Variants in BRF2 observed in about 807,000 individuals in gnomAD.
The protein encoded by BRF2 is BRF2 general transcription factor IIIB subunit, also known as transcription factor IIIB 50 kDa subunit.
A neutral mutation model predicts 26.6 loss-of-function variants in BRF2; 17 were observed. That is an observed-to-expected ratio of 0.64 (90% CI 0.44 to 0.96). The LOEUF (loss-of-function observed/expected upper bound fraction) is 0.96, where lower values mean the gene tolerates loss of function less well. BRF2 is among the 40% of genes least tolerant of loss of function. The pLI, the probability that BRF2 is intolerant of heterozygous loss-of-function variation, is 0.00. For synonymous variants in BRF2, 219 were observed against 226.6 expected, an observed-to-expected ratio of 0.97 and a Z score of 0.30; for missense variants, 515 against 537.0, an observed-to-expected ratio of 0.96 and a Z score of 0.40.
intron 3 of BRF2, among the ~76,000 whole-genome samples, chr8:37,846,501 T>C (rs1051385556): frequency 2.0e-5 from 3 of 152,148 alleles, no homozygotes; most frequent in African/African-American, 7.2e-5. Context: ...ACGCCTGTAA[T>C]CCCAGAACTT....
At chr8:37,846,492 C>T (rs1403386195) in intron 3 of BRF2, among the ~76,000 whole-genome samples, 2 of 152,190 alleles carry the variant, frequency 1.3e-5, no homozygotes, top group African/African-American at 4.8e-5. Flanking sequence ...CGGTGGCTCA[C>T]GCCTGTAATC....
rs538165118 is a variant in BRF2 at position 37,845,170 on chromosome 8, C to A, written c.580G>T (p.Val194Leu). Residue 194 changes from valine to leucine, a missense_variant, in exon 4 of 4, where the codon GTG becomes TTG. Physicochemically the swap from Val to Leu is conservative, Grantham distance 32. Transcript: ENST00000220659. The part of the protein sequence containing the change: ...QASPSVPAKY[V>L]EDKEKMLSRT... ...GACAGCATCTTCTCTTTGTCTTCCA[C>A]GTATTTGGCTGGCACAGAAGGTGAA... The A allele has an allele frequency of 9.9e-6, 16 of 1,612,596 alleles. No homozygotes were observed. Among genetic ancestry groups the A allele is most frequent in the Non-Finnish European group, 1.4e-5 (16 of 1,179,284 alleles).
chr8:37,848,589 T>G lies in BRF2; in HGVS notation c.214+7A>C, dbSNP rs374505515. The G allele has an allele frequency of 1.7e-5, 27 of 1,613,750 alleles. No homozygotes were observed. Among genetic ancestry groups the G allele is most frequent in the Non-Finnish European group, 2.2e-5 (26 of 1,179,746 alleles). On this transcript the variant is annotated splice_region_variant and intron_variant, in intron 2 of 3. Transcript: ENST00000220659. ...AAGCCACTGTGTTGTAAAAGGTCAA[T>G]TCTCACCTCGTTGCTGGCTGCGACT...
chr8:37,844,835 C>G lies in BRF2; in HGVS notation c.915G>C (p.Gln305His), dbSNP rs763427880. The change falls in exon 4 of 4, where the codon CAG becomes CAC. Residue 305 changes from glutamine to histidine, a missense_variant. Gln to His is a conservative substitution (Grantham distance 24, BLOSUM62 0). Coordinates refer to ENST00000220659, the MANE Select transcript of BRF2 (RefSeq NM_018310.4). Reference sequence around the variant, plus strand: ...CCCGAAAGGCAGAGCGGACCAGTGACTGGCGGTGCTGGAGAAGGTCACCGA... The same window carrying G: ...CCCGAAAGGCAGAGCGGACCAGTGAGTGGCGGTGCTGGAGAAGGTCACCGA... The part of the protein sequence containing the change: ...KHIGDLLQHR[Q>H]SLVRSAFRDG... 2 of 1,614,202 alleles carry G rather than the reference C, an allele frequency of 1.2e-6. No individual in the cohort carries two copies. Among genetic ancestry groups the G allele is most frequent in the East Asian group, 4.5e-5 (2 of 44,876 alleles).
chr8:37,847,932 TTATTATTATTA>T (rs1805992645), intron 2 of BRF2, among the ~76,000 whole-genome samples: 5 of 147,152 alleles, frequency 3.4e-5, no homozygotes, highest in Admixed American at 6.7e-5. Context: ...TTTTCTTTTA[TTATTATTATTA>T]TTATTATTAT....
In BRF2 at chr8:37,847,260, T is replaced by A. The variant is rs188865856; in HGVS notation, c.215-85A>T. 1.6e-3 allele frequency: 1,929 copies of A among 1,213,108 alleles called. 2 individuals carry two copies. The highest frequency in any genetic ancestry group is 4.7e-3 in the Middle Eastern group (25 of 5,314). The allele number at this position is 1,213,108 out of a possible 1,614,324, so 75.1% of individuals were successfully genotyped here. A position where few individuals can be genotyped will look rare whatever the true frequency, so the allele number is the denominator to read the frequency against. ...AAAATTCTGCTAGGACTTACTTAGA[T>A]CTGCTAAACTTGCCTCAGATATCAG... On this transcript the variant is annotated intron_variant, in intron 2 of 3. Transcript: ENST00000220659.
chr8:37,844,686 G>A lies in BRF2; in HGVS notation c.1064C>T (p.Ala355Val). 6.2e-7 allele frequency: 1 copy of A among 1,614,108 alleles called. No homozygotes were observed. Among genetic ancestry groups the A allele is most frequent in the Non-Finnish European group, 8.5e-7 (1 of 1,180,036 alleles). The change falls in exon 4 of 4, where the codon GCC becomes GTC. Residue 355 changes from alanine (A) to valine (V), a missense_variant. Ala to Val is a moderately conservative substitution (Grantham distance 64). Coordinates refer to ENST00000220659, the MANE Select transcript of BRF2 (RefSeq NM_018310.4). ...LPQGKRPASPALLLPPCMLKS... is the reference protein window; with the variant it reads ...LPQGKRPASPVLLLPPCMLKS... ...CAACATGCAGGGTGGCAAGAGAAGG[G>A]CAGGACTGGCCGGCCGCTTCCCCTG...
chr8:37,844,347 G>C lies in BRF2; in HGVS notation c.*143C>G, dbSNP rs1420138119. On this transcript the variant is annotated 3_prime_UTR_variant, in exon 4 of 4. Transcript: ENST00000220659. ...TCCTGACTTTACTCCAGGACCCAGG[G>C]TCCAACTAATGGCAGAGCCCCTCTT... 6.6e-6 allele frequency: 7 copies of C among 1,064,794 alleles called. No homozygotes were observed. The East Asian group carries it at 1.5e-4, about 22-fold the overall frequency. 66.0% of individuals were successfully genotyped at this position (1,064,794 alleles called of 1,614,324 possible). A position where few individuals can be genotyped will look rare whatever the true frequency, so the allele number is the denominator to read the frequency against.
In BRF2 at chr8:37,849,827, G is replaced by T. The variant is rs749901485; in HGVS notation, c.-44C>A. On this transcript the variant is annotated 5_prime_UTR_variant, in exon 1 of 4. Coordinates refer to ENST00000220659, the MANE Select transcript of BRF2 (RefSeq NM_018310.4). ...GCCGCGGAAGCCTTCAGAGACTCCT[G>T]GGTCTGCAACAGCAACCGTGAGGCA... The T allele has an allele frequency of 6.4e-7, 1 of 1,557,272 alleles. No individual in the cohort carries two copies. The highest frequency in any genetic ancestry group is 8.7e-7 in the Non-Finnish European group (1 of 1,154,740).
chr8:37,844,849 G>C lies in BRF2; in HGVS notation c.901C>G (p.Leu301Val), dbSNP rs138784969. The change falls in exon 4 of 4, where the codon CTC (leucine) becomes GTC (valine). Residue 301 changes from leucine to valine, a missense_variant. Physicochemically the swap from Leu to Val is conservative, Grantham distance 32 (BLOSUM62 1). Coordinates refer to ENST00000220659, the MANE Select transcript of BRF2 (RefSeq NM_018310.4). The part of the protein sequence containing the change: ...RSVVKHIGDL[L>V]QHRQSLVRSA... ...CGGACCAGTGACTGGCGGTGCTGGA[G>C]AAGGTCACCGATGTGCTTCACCACA... The C allele has an allele frequency of 1.2e-6, 2 of 1,614,208 alleles. No homozygotes were observed. The highest frequency in any genetic ancestry group is 1.7e-6 in the Non-Finnish European group (2 of 1,180,052).
rs1805928507 is a variant in BRF2, at chr8:37,845,075, G to A, written c.675C>T (p.Val225=). 1.2e-6 allele frequency: 2 copies of A among 1,613,756 alleles called. No individual in the cohort carries two copies. The highest frequency in any genetic ancestry group is 1.7e-6 in the Non-Finnish European group (2 of 1,180,036). The change falls in exon 4 of 4, where the codon GTC becomes GTT. Residue 225 remains valine (V), a synonymous_variant. Coordinates refer to ENST00000220659, the MANE Select transcript of BRF2 (RefSeq NM_018310.4). Reference sequence around the variant, plus strand: ...AAGCCAGGAAAGTCGCAGCAGTGATGACGGGCAAGGGATGCCTCCCGGTCA... The same window carrying A: ...AAGCCAGGAAAGTCGCAGCAGTGATAACGGGCAAGGGATGCCTCCCGGTCA... ...WLVTGRHPLP[V]ITAATFLAWQ... is the part of the protein sequence containing the mutation.
chr8:37,848,890 A>G (rs115500625), intron 1 of BRF2, among the ~76,000 whole-genome samples: 1,796 of 152,306 alleles, frequency 0.012, 24 homozygotes, highest in African/African-American at 0.04. Flanking sequence ...TCATCCTTCC[A>G]GTACATTCCA....
At position 37,844,795 on chromosome 8, in the gene BRF2, C is replaced by A; in HGVS notation, c.955G>T (p.Val319Leu). 1.2e-6 allele frequency: 2 copies of A among 1,614,158 alleles called. No homozygotes were observed. Residue 319 changes from valine (V) to leucine (L), a missense_variant, in exon 4 of 4, where the codon GTG becomes TTG. Physicochemically the swap from Val to Leu is conservative, Grantham distance 32 (BLOSUM62 1). Transcript: ENST00000220659. ...GGTGGCTCCTTCTCTCGGGTCTCCA[C>A]TTCTGCTGTCCCATCCCGAAAGGCA... ...RSAFRDGTAE[V>L]ETREKEPPGW...
Position 37,843,406 on chromosome 8 carries a change from C to T in BRF2, c.*1084G>A, listed in dbSNP as rs1805873700. On this transcript the variant is annotated 3_prime_UTR_variant, in exon 4 of 4. Coordinates refer to ENST00000220659, the MANE Select transcript of BRF2 (RefSeq NM_018310.4). ...AAATGTCAAACCAGCTTCCCGACTC[C>T]CAGGAGCTCAAGCCAAGCCCAGAGG... The T allele has an allele frequency of 6.6e-6, 1 of 152,310 alleles. No individual in the cohort carries two copies. Among genetic ancestry groups the T allele is most frequent in the Non-Finnish European group, 1.5e-5 (1 of 68,104 alleles). 9.4% of individuals were successfully genotyped at this position (152,310 alleles called of 1,614,324 possible). A position where few individuals can be genotyped will look rare whatever the true frequency, so the allele number is the denominator to read the frequency against.
chr8:37,846,878 T>C lies in BRF2; in HGVS notation c.512A>G (p.Glu171Gly). 6.2e-7 allele frequency: 1 copy of C among 1,613,922 alleles called. No individual in the cohort carries two copies. The highest frequency in any genetic ancestry group is 8.5e-7 in the Non-Finnish European group (1 of 1,179,862). ...GLDVPSLCLA[E>G]LVKTYCSSFK... Reference sequence around the variant, plus strand: ...CCTGCTGCAATAGGTCTTCACCAGTTCTGCCAAGCACAGAGATGGCACATC... The same window carrying C: ...CCTGCTGCAATAGGTCTTCACCAGTCCTGCCAAGCACAGAGATGGCACATC... The change falls in exon 3 of 4, where the codon GAA becomes GGA. Residue 171 changes from glutamate to glycine, a missense_variant. Coordinates refer to ENST00000220659, the MANE Select transcript of BRF2 (RefSeq NM_018310.4).
In BRF2 at chr8:37,843,688, A is replaced by G. The variant is rs1227593359; in HGVS notation, c.*802T>C. 6.6e-6 allele frequency: 1 copy of G among 152,302 alleles called. No individual in the cohort carries two copies. Among genetic ancestry groups the G allele is most frequent in the Non-Finnish European group, 1.5e-5 (1 of 68,006 alleles). 9.4% of individuals were successfully genotyped at this position (152,302 alleles called of 1,614,324 possible). ...CACAGGGGAGGGGGAAAACCCACACACACTCCTTGGAATGGGTCCTGTTAT... is the reference window on the plus strand; with the variant it reads ...CACAGGGGAGGGGGAAAACCCACACGCACTCCTTGGAATGGGTCCTGTTAT... On this transcript the variant is annotated 3_prime_UTR_variant, in exon 4 of 4. Transcript: ENST00000220659.
At position 37,844,719 on chromosome 8, in the gene BRF2, C is replaced by T. The variant is rs770857533; in HGVS notation, c.1031G>A (p.Gly344Asp). ...GGCCGGCCGCTTCCCCTGGGGTAAA[C>T]CTAAGGAATTATTTCCCACCTCCCC... ...GEGEVGNNSLGLPQGKRPASP... is the reference protein window; with the variant it reads ...GEGEVGNNSLDLPQGKRPASP... Residue 344 changes from glycine (G) to aspartate (D), a missense_variant, in exon 4 of 4, where the codon GGT becomes GAT. Gly to Asp is a moderately conservative substitution (Grantham distance 94, BLOSUM62 -1). Transcript: ENST00000220659. 1 of 1,613,914 alleles carries T rather than the reference C, an allele frequency of 6.2e-7. No homozygotes were observed. The highest frequency in any genetic ancestry group is 1.3e-5 in the African/African-American group (1 of 74,888).
intron 3 of BRF2, among the ~76,000 whole-genome samples, chr8:37,846,511 T>C (rs996600956): frequency 7.2e-5 from 11 of 151,870 alleles, no homozygotes; most frequent in African/African-American, 2.7e-4. Flanking sequence ...TCCCAGAACT[T>C]TGGGAGGCCG....
At chr8:37,847,205 G>A (rs1805978304) in intron 2 of BRF2, 30 bp from the exon 3 acceptor site, 14 of 1,600,440 alleles carry the variant, frequency 8.7e-6, no homozygotes, top group South Asian at 3.3e-5. Flanking sequence ...AGAGTTAGAG[G>A]GGTCAAAGGA....
Sources: gnomAD v4.1 joint callset for allele counts (sites outside exome capture counted in the v4.1 genomes callset) on GRCh38, gnomAD v4.1.1 for gene constraint, MANE v1.5 for transcripts, NCBI Gene and HGNC (gene_info 2026-07-23, HGNC 2026-07-21) for gene names.